The following CSMD1 variants were observed in gnomAD, a reference collection of about 807,000 sequenced individuals.
The protein encoded by CSMD1 is CUB and sushi domain-containing protein 1.
CSMD1 carries 213 observed loss-of-function variants against 417.5 expected under a neutral mutation model. The observed-to-expected ratio is 0.51, with a 90% CI of 0.46 to 0.57. CSMD1 has a LOEUF of 0.57. Among genes scored for constraint, CSMD1 ranks in the 20% least tolerant of loss-of-function variants. The pLI, the probability that CSMD1 is intolerant of heterozygous loss-of-function variation, is 0.00. For missense variants in CSMD1, 6,923 were observed against 4,529.7 expected, an observed-to-expected ratio of 1.53 and a Z score of -15.17; for synonymous variants, 2,862 against 1,736.8, an observed-to-expected ratio of 1.65 and a Z score of -16.11.
intron 1 of CSMD1, among the ~76,000 whole-genome samples, chr8:4,834,819 T>C (rs1012341021): frequency 6.1e-5 from 9 of 148,580 alleles, no homozygotes; most frequent in African/African-American, 1.2e-4. Context: ...TAGCCGGGCG[T>C]GGTGGTGGGC....
At chr8:4,966,927 C>G (rs1002685472) in intron 1 of CSMD1, among the ~76,000 whole-genome samples, 12 of 152,118 alleles carry the variant, frequency 7.9e-5, no homozygotes, top group African/African-American at 2.7e-4. Context: ...CATTGGCAAT[C>G]CAGTGTTGCA....
At chr8:3,582,440 A>T (rs1455858081) in intron 9 of CSMD1, among the ~76,000 whole-genome samples, 2 of 152,204 alleles carry the variant, frequency 1.3e-5, no homozygotes, top group African/African-American at 4.8e-5. Flanking sequence ...TTGAAGAAAG[A>T]GTGTTCTACA....
intron 2 of CSMD1, among the ~76,000 whole-genome samples, chr8:4,636,748 A>G (rs892257549): frequency 6.6e-6 from 1 of 152,194 alleles, no homozygotes; most frequent in African/African-American, 2.4e-5. Context: ...ATTTGCCACA[A>G]GTTGATAGAC....
At position 3,931,628 on chromosome 8, in the gene CSMD1, A is replaced by G. The variant is rs982654343; in HGVS notation, c.818+66275T>C. ...TGCGCCAAGAGTTAGAGACAGAGAA[A>G]AGTGCCTCAGGATGTCTTTTCACCT... On this transcript the variant is annotated intron_variant, in intron 5 of 69. Transcript: ENST00000635120. Among the ~76,000 whole-genome samples, 22 of 149,740 alleles carry G rather than the reference A, an allele frequency of 1.5e-4. 2 individuals carry two copies. The highest frequency in any genetic ancestry group is 5.2e-4 in the African/African-American group (21 of 40,530).
At chr8:4,164,555 C>G (rs910186531) in intron 3 of CSMD1, among the ~76,000 whole-genome samples, 11 of 152,230 alleles carry the variant, frequency 7.2e-5, no homozygotes, top group South Asian at 2.1e-4. Flanking sequence ...TATAAGCCAC[C>G]AAGCCCCGCC....
chr8:3,104,850 G>T (rs1434637962), intron 46 of CSMD1, among the ~76,000 whole-genome samples: 3 of 152,030 alleles, frequency 2.0e-5, no homozygotes, highest in African/African-American at 7.2e-5. Context: ...TGGCATTACA[G>T]GCATGCGCCA....
chr8:3,816,924 T>A (rs1402315335), intron 5 of CSMD1, among the ~76,000 whole-genome samples: 5 of 152,158 alleles, frequency 3.3e-5, no homozygotes, highest in Non-Finnish European at 7.3e-5. Context: ...GTCCTCCCTA[T>A]TCTACTATTC....
At chr8:3,259,111 T>C (rs1800868819) in intron 26 of CSMD1, among the ~76,000 whole-genome samples, 1 of 152,208 alleles carries the variant, frequency 6.6e-6, no homozygotes, top group South Asian at 2.1e-4. Flanking sequence ...ACAGCTTTTA[T>C]GACAAGACAA....
intron 28 of CSMD1, among the ~76,000 whole-genome samples, chr8:3,219,852 G>A (rs1172961591): frequency 1.3e-5 from 2 of 151,988 alleles, no homozygotes; most frequent in African/African-American, 4.8e-5. Context: ...TGAAAATACT[G>A]GAATTTTGAA....
chr8:4,909,122 G>C (rs989734483), intron 1 of CSMD1, among the ~76,000 whole-genome samples: 2 of 152,206 alleles, frequency 1.3e-5, no homozygotes, highest in African/African-American at 4.8e-5. Flanking sequence ...GTAGGTGTCA[G>C]AGGATTTGAT....
At chr8:3,897,007 G>C (rs548055094) in intron 5 of CSMD1, among the ~76,000 whole-genome samples, 7 of 151,074 alleles carry the variant, frequency 4.6e-5, no homozygotes, top group Non-Finnish European at 7.4e-5. Context: ...CATTTCTCTT[G>C]AGCAACTTAC....
At chr8:3,865,429 T>C (rs893520638) in intron 5 of CSMD1, among the ~76,000 whole-genome samples, 1 of 152,032 alleles carries the variant, frequency 6.6e-6, no homozygotes, top group Non-Finnish European at 1.5e-5. Flanking sequence ...CAAGCGAGAC[T>C]GTGAGGGCTC....
At chr8:3,097,059 A>G in intron 46 of CSMD1, 22 bp from the exon 47 acceptor site, 8 of 1,493,780 alleles carry the variant, frequency 5.4e-6, no homozygotes, top group Non-Finnish European at 7.2e-6. Flanking sequence ...AGTACCAGCA[A>G]AAGTTTGCTT....
chr8:4,205,452 T>A (rs189973954), intron 3 of CSMD1, among the ~76,000 whole-genome samples: 4 of 152,222 alleles, frequency 2.6e-5, no homozygotes, highest in Non-Finnish European at 5.9e-5. Flanking sequence ...GATGCGCCCA[T>A]TTATATACTT....
At chr8:4,715,440 C>T (rs1252839440) in intron 1 of CSMD1, among the ~76,000 whole-genome samples, 3 of 152,124 alleles carry the variant, frequency 2.0e-5, no homozygotes, top group Non-Finnish European at 4.4e-5. Flanking sequence ...TTTACCCATT[C>T]CCTTGACAAT....
intron 5 of CSMD1, among the ~76,000 whole-genome samples, chr8:3,898,662 G>A (rs142609677): frequency 6.6e-6 from 1 of 152,124 alleles, no homozygotes; most frequent in Non-Finnish European, 1.5e-5. Context: ...ATGCAGACCT[G>A]GTATTTGTTG....
intron 3 of CSMD1, among the ~76,000 whole-genome samples, chr8:4,327,202 C>T (rs554587540): frequency 1.6e-4 from 25 of 152,164 alleles, no homozygotes; most frequent in Non-Finnish European, 2.9e-4. Context: ...TAACACATTA[C>T]ATATCTTTAA....
chr8:4,669,951 T>A (rs926696677), intron 1 of CSMD1, among the ~76,000 whole-genome samples: 2 of 152,104 alleles, frequency 1.3e-5, no homozygotes, highest in Non-Finnish European at 2.9e-5. Context: ...GAGTTTCATG[T>A]TTTATGAGGA....
At chr8:3,487,367 AATTTTTTGT>A (rs1818107536) in intron 11 of CSMD1, among the ~76,000 whole-genome samples, 1 of 151,772 alleles carries the variant, frequency 6.6e-6, no homozygotes, top group African/African-American at 2.4e-5. Flanking sequence ...ACGCCCGGCT[AATTTTTTGT>A]ATTTTTAGTA....
Sources: allele counts gnomAD v4.1 joint callset (sites outside exome capture counted in the v4.1 genomes callset), GRCh38; gene constraint gnomAD v4.1.1; transcripts MANE v1.5; gene names NCBI Gene and HGNC (gene_info 2026-07-23, HGNC 2026-07-21).